Variants in IL7 observed in about 807,000 individuals in gnomAD.
IL7 encodes interleukin-7.
A neutral mutation model predicts 21.6 loss-of-function variants in IL7; 3 were observed. The ratio of observed to expected loss-of-function variants is 0.14; its 90% CI spans 0.06 to 0.36. The LOEUF (loss-of-function observed/expected upper bound fraction) is 0.36. IL7 is among the 10% of genes least tolerant of loss of function. IL7 has a pLI of 1.00. For missense variants in IL7, 175 were observed against 200.2 expected, an observed-to-expected ratio of 0.87 and a Z score of 0.76; for synonymous variants, 62 against 68.1, an observed-to-expected ratio of 0.91 and a Z score of 0.44.
intron 2 of IL7, among the ~76,000 whole-genome samples, chr8:78,779,875 C>A (rs1188168646): frequency 6.6e-6 from 1 of 151,972 alleles, no homozygotes; most frequent in African/African-American, 2.4e-5. Flanking sequence ...CGCGGGTTTT[C>A]TTGGTTGGCA....
chr8:78,719,833 T>A (rs571957412), intron 5 of IL7: 19 of 151,902 alleles, frequency 1.3e-4, no homozygotes, highest in African/African-American at 4.6e-4. Context: ...GAAATATAAA[T>A]AAAATATTTG....
intron 3 of IL7, chr8:78,686,663 G>A: frequency 7.2e-7 from 1 of 1,395,876 alleles, no homozygotes; most frequent in African/African-American, 1.5e-5. Flanking sequence ...TAATGATAGA[G>A]TTTTTATAAA....
intron 3 of IL7, among the ~76,000 whole-genome samples, chr8:78,710,995 C>T (rs187017210): frequency 5.9e-5 from 9 of 152,022 alleles, no homozygotes; most frequent in Non-Finnish European, 1.2e-4. Flanking sequence ...TCCATAAGAA[C>T]AGGTATCAGA....
intron 3 of IL7, chr8:78,689,404 G>T: frequency 6.6e-7 from 1 of 1,526,250 alleles, no homozygotes; most frequent in South Asian, 1.3e-5. Flanking sequence ...TGCTATAAAC[G>T]AGAAAATGGC....
intron 3 of IL7, among the ~76,000 whole-genome samples, chr8:78,711,580 A>G (rs1810951778): frequency 1.3e-5 from 2 of 152,156 alleles, no homozygotes; most frequent in Admixed American, 1.3e-4. Context: ...TTTAAAAAGC[A>G]CGGAAATAAA....
intron 2 of IL7, among the ~76,000 whole-genome samples, chr8:78,790,062 T>C (rs941496781): frequency 6.6e-6 from 1 of 152,066 alleles, no homozygotes; most frequent in African/African-American, 2.4e-5. Context: ...GTTGAATCTG[T>C]GAAAGCCTCT....
At chr8:78,712,989 T>G (rs1407076691), downstream of IL7, among the ~76,000 whole-genome samples, 1 of 152,190 alleles carries the variant, frequency 6.6e-6, no homozygotes, top group Non-Finnish European at 1.5e-5. Context: ...TTTTAAGTAG[T>G]GATAAATCCT....
At position 78,760,687 on chromosome 8, in the gene IL7, G is replaced by C; in HGVS notation, c.148-20605C>G. The C allele has an allele frequency of 8.8e-6, 14 of 1,590,046 alleles. 2 individuals carry two copies. The South Asian group carries it at 1.6e-4, about 18-fold the overall frequency. ...CCTGAATAATGTGCTCCACTGTTGG[G>C]ACACTTAGGGTTTCTTTATAGTAAC... On this transcript the variant is annotated intron_variant, in intron 2 of 5. Coordinates refer to ENST00000263851, the MANE Select transcript of IL7 (RefSeq NM_000880.4).
At chr8:78,762,117 T>C in intron 2 of IL7, 3 of 1,596,788 alleles carry the variant, frequency 1.9e-6, no homozygotes, top group Non-Finnish European at 2.6e-6. Context: ...CTCAGTTCTT[T>C]TATTCGTTTT....
chr8:78,689,170 G>T, intron 3 of IL7: 2 of 1,299,182 alleles, frequency 1.5e-6, no homozygotes, highest in South Asian at 2.4e-5. Flanking sequence ...ATTTTTTAAT[G>T]TCCGTTTCAA....
At position 78,678,924 on chromosome 8, in the gene IL7, A is replaced by T. The variant is rs540262732; in HGVS notation, n.274-2820T>A. On this transcript the variant is annotated intron_variant and non_coding_transcript_variant, in intron 4 of 4. Transcript: ENST00000523959. Reference sequence around the variant, plus strand: ...AGACCAAGGTGCTGTTTCAAACTCCATCAATTACAGTGAGATTTTTATAGC... The same window carrying T: ...AGACCAAGGTGCTGTTTCAAACTCCTTCAATTACAGTGAGATTTTTATAGC... 2.0e-5 allele frequency: 5 copies of T among 244,430 alleles called. No individual in the cohort carries two copies. The South Asian group carries it at 8.5e-4, about 41-fold the overall frequency. The allele number at this position is 244,430 out of a possible 1,614,324, so 15.1% of individuals were successfully genotyped here. A position where few individuals can be genotyped will look rare whatever the true frequency, so the allele number is the denominator to read the frequency against.
downstream of IL7, among the ~76,000 whole-genome samples, chr8:78,713,369 C>A (rs894829709): frequency 4.6e-5 from 7 of 151,810 alleles, no homozygotes; most frequent in African/African-American, 1.7e-4. Flanking sequence ...TTTTGAACAA[C>A]CTCAAGTTAC....
chr8:78,736,257 A>G (rs1811593280), intron 5 of IL7, among the ~76,000 whole-genome samples: 1 of 150,712 alleles, frequency 6.6e-6, no homozygotes. Flanking sequence ...ATGCTTTTGT[A>G]TTTGCCCTAA....
At chr8:78,798,030 C>T (rs1451729248) in intron 2 of IL7, 42 bp downstream of exon 2, 5 of 1,528,236 alleles carry the variant, frequency 3.3e-6, no homozygotes, top group Non-Finnish European at 4.4e-6. Context: ...TTCAAATTTT[C>T]CCAATGCATG....
At chr8:78,724,424 A>T (rs1034232956) in intron 3 of IL7, among the ~76,000 whole-genome samples, 1 of 152,016 alleles carries the variant, frequency 6.6e-6, no homozygotes, top group African/African-American at 2.4e-5. Context: ...TTAATTTTTT[A>T]AAAAAGTTTT....
intron 2 of IL7, among the ~76,000 whole-genome samples, chr8:78,793,521 T>G (rs1457286429): frequency 3.9e-5 from 6 of 152,168 alleles, no homozygotes; most frequent in African/African-American, 1.4e-4. Context: ...ACATTTTAAT[T>G]TAAAAAGAAT....
chr8:78,738,739 C>T (rs1811679878), intron 3 of IL7, 104 bp from the exon 4 acceptor site: 2 of 966,224 alleles, frequency 2.1e-6, no homozygotes, highest in Non-Finnish European at 3.0e-6. Context: ...CTAGGTAATG[C>T]CCCGCCTCCA....
intron 2 of IL7, among the ~76,000 whole-genome samples, chr8:78,745,689 A>G (rs1005117058): frequency 4.6e-5 from 7 of 152,208 alleles, no homozygotes; most frequent in African/African-American, 1.7e-4. Flanking sequence ...AGAGTAGATT[A>G]TTGTTCAGCC....
At chr8:78,796,538 G>T (rs1189793474) in intron 2 of IL7, among the ~76,000 whole-genome samples, 1 of 151,848 alleles carries the variant, frequency 6.6e-6, no homozygotes, top group East Asian at 1.9e-4. Context: ...AATTAAAAAA[G>T]AGATAGTGCA....
Sources: allele counts gnomAD v4.1 joint callset (sites outside exome capture counted in the v4.1 genomes callset), GRCh38; gene constraint gnomAD v4.1.1; transcripts MANE v1.5; gene names NCBI Gene and HGNC (gene_info 2026-07-23, HGNC 2026-07-21).